The following MEGF10 variants were observed in gnomAD, a reference collection of about 807,000 sequenced individuals.
The protein encoded by MEGF10 is multiple epidermal growth factor-like domains protein 10.
A neutral mutation model predicts 147.5 loss-of-function variants in MEGF10; 86 were observed. The observed-to-expected ratio is 0.58, with a 90% confidence interval of 0.49 to 0.70. MEGF10 has a LOEUF of 0.70. Ranked by LOEUF, MEGF10 falls within the 30% of genes least tolerant of loss-of-function variation. The pLI, the probability that MEGF10 is intolerant of heterozygous loss-of-function variation, is 0.00. For synonymous variants in MEGF10, 478 were observed against 525.5 expected (o/e 0.91, Z 1.24); for missense variants, 1,329 against 1,487.3 (o/e 0.89, Z 1.75).
At chr5:127,245,701 A>C in the MEGF10 span, among the ~76,000 whole-genome samples, 2 of 152,154 alleles carry the variant, frequency 1.3e-5, no homozygotes, top group African/African-American at 4.8e-5. Flanking sequence ...AGTTTTGCAA[A>C]CTATCCATCT....
chr5:127,370,043 G>C (rs1762796109), intron 5 of MEGF10, 41 bp downstream of exon 5: 1 of 1,495,520 alleles, frequency 6.7e-7, no homozygotes, highest in African/African-American at 1.4e-5. Context: ...GGATGTTTTT[G>C]CTGTAAGGCC....
At chr5:127,319,887 G>A (rs1760724746) in intron 1 of MEGF10, among the ~76,000 whole-genome samples, 1 of 152,180 alleles carries the variant, frequency 6.6e-6, no homozygotes, top group Admixed American at 6.5e-5. Context: ...GGGCAAGACA[G>A]ACTGACAGGA....
chr5:127,305,795 A>G (rs1759986039), intron 1 of MEGF10, among the ~76,000 whole-genome samples: 1 of 152,140 alleles, frequency 6.6e-6, no homozygotes, highest in Admixed American at 6.5e-5. Context: ...ATAGAATCTG[A>G]TTTTTATGAT....
Position 127,396,656 on chromosome 5 carries a change from G to T in MEGF10, c.537G>T (p.Glu179Asp), listed in dbSNP as rs1242418209. The T allele has an allele frequency of 6.2e-7, 1 of 1,614,090 alleles. No homozygotes were observed. The highest frequency in any genetic ancestry group is 1.7e-5 in the Admixed American group (1 of 60,028). Residue 179 changes from glutamate to aspartate, a missense_variant, in exon 6 of 25, where the codon GAG (glutamate) becomes GAT (aspartate). Transcript: ENST00000503335. ...CAAGFRGWRC[E>D]DRCEQGTYGN... ...CGGGCTTCCGGGGCTGGCGCTGCGA[G>T]GACCGCTGTGAGCAGGGCACCTATG... is the stretch of plus-strand genomic sequence containing the variant.
the MEGF10 span, among the ~76,000 whole-genome samples, chr5:127,250,619 A>C: frequency 6.6e-6 from 1 of 152,006 alleles, no homozygotes; most frequent in African/African-American, 2.4e-5. Context: ...TTGCTGCCAG[A>C]ACTGTTGTCT....
the MEGF10 span, among the ~76,000 whole-genome samples, chr5:127,243,161 C>G: frequency 6.6e-6 from 1 of 152,110 alleles, no homozygotes; most frequent in African/African-American, 2.4e-5. Flanking sequence ...GTAAAGACAT[C>G]CTGTGCTTCC....
At position 127,417,766 on chromosome 5, in the gene MEGF10, A is replaced by G. The variant is rs149288547; in HGVS notation, c.1259A>G (p.Asp420Gly). The G allele has an allele frequency of 2.5e-6, 4 of 1,614,072 alleles. No individual in the cohort carries two copies. The highest frequency in any genetic ancestry group is 1.1e-5 in the South Asian group (1 of 91,034). The change falls in exon 10 of 25, where the codon GAC becomes GGC. Residue 420 changes from aspartate (D) to glycine (G), a missense_variant. This residue lies in a region of MEGF10 where 980 missense variants were observed against 1,085.9 expected (regional missense o/e 0.90). Transcript: ENST00000503335. Reference protein sequence around the residue: ...QQICSCQNGADCDSVTGKCTC... With the variant: ...QQICSCQNGAGCDSVTGKCTC... ...ATCTGCAGCTGCCAAAATGGGGCAG[A>G]CTGTGACAGTGTGACTGGAAAGTGC...
the MEGF10 span, among the ~76,000 whole-genome samples, chr5:127,272,395 T>G: frequency 0.05 from 7,634 of 152,272 alleles, 321 homozygotes; most frequent in African/African-American, 0.11. Flanking sequence ...GCTTGCAATT[T>G]CCTTGGCTAC....
rs75370992 is a variant in MEGF10 at position 127,457,852 on chromosome 5, A to G, written c.*534A>G. Reference sequence around the variant, plus strand: ...GTAGGGATAATATGAATGCAGGAGGAAACATTCTGTCAGGCGGTATGACTG... The same window carrying G: ...GTAGGGATAATATGAATGCAGGAGGGAACATTCTGTCAGGCGGTATGACTG... On this transcript the variant is annotated 3_prime_UTR_variant, in exon 25 of 25. Coordinates refer to ENST00000503335, the MANE Select transcript of MEGF10 (RefSeq NM_001256545.2). 2,862 of 152,774 alleles carry G rather than the reference A, an allele frequency of 0.019. 54 individuals carry two copies. Among genetic ancestry groups the G allele is most frequent in the Middle Eastern group, 0.084 (25 of 296 alleles). 9.5% of individuals were successfully genotyped at this position (152,774 alleles called of 1,614,324 possible).
the MEGF10 span, among the ~76,000 whole-genome samples, chr5:127,255,467 G>T: frequency 6.6e-6 from 1 of 151,602 alleles, no homozygotes; most frequent in East Asian, 1.9e-4. Flanking sequence ...AGACAAGGAG[G>T]GGGGCAGTTT....
intron 1 of MEGF10, among the ~76,000 whole-genome samples, chr5:127,314,706 A>G (rs1276582178): frequency 6.6e-6 from 1 of 152,230 alleles, no homozygotes; most frequent in Non-Finnish European, 1.5e-5. Flanking sequence ...GGCTCTTTCA[A>G]ATTAGCGGGA....
intron 7 of MEGF10, among the ~76,000 whole-genome samples, chr5:127,401,178 G>A (rs1162361315): frequency 6.6e-6 from 1 of 152,148 alleles, no homozygotes; most frequent in Admixed American, 6.5e-5. Flanking sequence ...TATTCCTACA[G>A]TCATGCTTTT....
upstream of MEGF10, among the ~76,000 whole-genome samples, chr5:127,290,618 G>A (rs1267651221): frequency 6.6e-6 from 1 of 152,230 alleles, no homozygotes; most frequent in Non-Finnish European, 1.5e-5. Context: ...ACTCACGATC[G>A]AGGTGCAGCA....
At chr5:127,307,605 G>A (rs1322110144) in intron 1 of MEGF10, among the ~76,000 whole-genome samples, 1 of 152,150 alleles carries the variant, frequency 6.6e-6, no homozygotes, top group Non-Finnish European at 1.5e-5. Context: ...CTACTGACAT[G>A]TCTCTTCAAA....
At chr5:127,372,049 T>C (rs921215045) in intron 5 of MEGF10, among the ~76,000 whole-genome samples, 26 of 152,226 alleles carry the variant, frequency 1.7e-4, no homozygotes, top group African/African-American at 6.3e-4. Flanking sequence ...TATCATTTTG[T>C]TCACTCTTGA....
chr5:127,443,218 C>A, intron 19 of MEGF10, 92 bp downstream of exon 19: 2 of 1,320,182 alleles, frequency 1.5e-6, no homozygotes, highest in Non-Finnish European at 2.0e-6. Flanking sequence ...TGTTATCCAG[C>A]AGAATCTTCA....
chr5:127,294,198 C>T (rs943861224), intron 1 of MEGF10, among the ~76,000 whole-genome samples: 7 of 152,210 alleles, frequency 4.6e-5, no homozygotes, highest in African/African-American at 1.7e-4. Flanking sequence ...CATGCGAGTT[C>T]CCATTCTTGT....
intron 22 of MEGF10, among the ~76,000 whole-genome samples, chr5:127,450,440 G>A (rs1220936999): frequency 1.3e-5 from 2 of 152,168 alleles, no homozygotes; most frequent in Non-Finnish European, 2.9e-5. Context: ...GAACTTCTGT[G>A]ATATACCATT....
rs959548464 is a variant in MEGF10, at chr5:127,442,274, T to C, written c.2363-724T>C. Reference sequence around the variant, plus strand: ...CCCTGTGTTTGACAGAGAGTTCTAATAATAATAGCACATTGCCCCCTGCTG... The same window carrying C: ...CCCTGTGTTTGACAGAGAGTTCTAACAATAATAGCACATTGCCCCCTGCTG... On this transcript the variant is annotated intron_variant, in intron 18 of 24. Coordinates refer to ENST00000503335, the MANE Select transcript of MEGF10 (RefSeq NM_001256545.2). Among the ~76,000 whole-genome samples the C allele has an allele frequency of 3.3e-5, 5 of 152,348 alleles. No homozygotes were observed. In the South Asian group the frequency reaches 8.3e-4, roughly 25 times the overall value.
Sources: allele counts gnomAD v4.1 joint callset (sites outside exome capture counted in the v4.1 genomes callset), GRCh38; gene constraint gnomAD v4.1.1; regional missense constraint gnomAD v4.1.1; transcripts MANE v1.5; gene names NCBI Gene and HGNC (gene_info 2026-07-23, HGNC 2026-07-21).